Variants in KIF26A observed in about 807,000 individuals in gnomAD.
The protein encoded by KIF26A is kinesin family member 26A.
Under a neutral mutation model 126.0 loss-of-function variants are expected in KIF26A, and 74 were observed. The ratio of observed to expected loss-of-function variants is 0.59; its 90% CI spans 0.49 to 0.71. The LOEUF (loss-of-function observed/expected upper bound fraction) is 0.71, where lower values mean the gene tolerates loss of function less well. Ranked by LOEUF, KIF26A falls within the 30% of genes least tolerant of loss-of-function variation. The probability of loss-of-function intolerance (pLI) is 0.00; values close to 1 mark genes in which losing one functional copy is unlikely to be tolerated. For missense variants in KIF26A, 2,984 were observed against 2,763.3 expected (o/e 1.08, Z -1.79); for synonymous variants, 1,445 against 1,232.7 (o/e 1.17, Z -3.61).
In KIF26A at chr14:104,159,624, C is replaced by T. The variant is rs1276202521; in HGVS notation, c.923+1682C>T. Among the ~76,000 whole-genome samples, 8 of 152,214 alleles carry T rather than the reference C, an allele frequency of 5.3e-5. No homozygotes were observed. The East Asian group carries it at 5.8e-4, about 11-fold the overall frequency. On this transcript the variant is annotated intron_variant, in intron 4 of 14. Coordinates refer to ENST00000423312, the MANE Select transcript of KIF26A (RefSeq NM_015656.2). ...CTTGGGAAGTTACCATAGAAACCAG[C>T]GCATCGGGCTGGGGACCCAGAGGCG... is the stretch of plus-strand genomic sequence containing the variant.
chr14:104,168,578 G>C (rs1224715859), intron 5 of KIF26A, among the ~76,000 whole-genome samples: 3 of 152,176 alleles, frequency 2.0e-5, no homozygotes, highest in Non-Finnish European at 4.4e-5. Context: ...GGTGTCCAGA[G>C]GGGAGTGTGT....
intron 2 of KIF26A, among the ~76,000 whole-genome samples, chr14:104,144,038 C>T (rs1360230188): frequency 1.3e-5 from 2 of 152,178 alleles, no homozygotes; most frequent in Non-Finnish European, 2.9e-5. Flanking sequence ...CCTGGGTGGG[C>T]CCAGCCTCGC....
At chr14:104,146,068 T>C (rs1183266228) in intron 2 of KIF26A, among the ~76,000 whole-genome samples, 1 of 152,184 alleles carries the variant, frequency 6.6e-6, no homozygotes, top group African/African-American at 2.4e-5. Context: ...CACCCAGGTC[T>C]GAGTTGGAAC....
rs111288681 is a variant in KIF26A at position 104,163,365 on chromosome 14, C to T, written c.924-3494C>T. Among the ~76,000 whole-genome samples, 453 of 152,330 alleles carry T rather than the reference C, an allele frequency of 3.0e-3. 4 individuals are homozygous for T. The highest frequency in any genetic ancestry group is 0.01 in the African/African-American group (432 of 41,580). ...CCGGGCTTCTTGCCCTGTGGACAGA[C>T]GCACAGACACACAGACAGCGTGGGC... On this transcript the variant is annotated intron_variant, in intron 4 of 14. Coordinates refer to ENST00000423312, the MANE Select transcript of KIF26A (RefSeq NM_015656.2).
At chr14:104,172,104 A>G (rs947001) in intron 6 of KIF26A, among the ~76,000 whole-genome samples, 169 bp downstream of exon 6, 118,149 of 152,262 alleles carry the variant, frequency 0.78, 46,687 homozygotes, top group African/African-American at 0.94. Flanking sequence ...CGTCCTGGCC[A>G]GCGTCCTTGG....
At chr14:104,171,057 G>C (rs75078372) in intron 5 of KIF26A, among the ~76,000 whole-genome samples, 205 of 152,376 alleles carry the variant, frequency 1.3e-3, no homozygotes, top group African/African-American at 4.7e-3. Context: ...AGTGGGGCCG[G>C]TGAGGCCGAG....
chr14:104,172,053 G>C (rs2037963466), intron 6 of KIF26A, 118 bp downstream of exon 6: 9 of 995,172 alleles, frequency 9.0e-6, no homozygotes, highest in South Asian at 5.0e-5. Context: ...CGTGAGCGAG[G>C]GGCCCGCTGC....
intron 10 of KIF26A, 67 bp from the exon 11 acceptor site, chr14:104,174,081 C>A: frequency 6.9e-7 from 1 of 1,459,572 alleles, no homozygotes; most frequent in South Asian, 1.4e-5. Flanking sequence ...CCAGGGCTGC[C>A]CTTGGCCAGC....
At position 104,178,041 on chromosome 14, in the gene KIF26A, G is replaced by A. The variant is rs931217231; in HGVS notation, c.5110+143G>A. 10 of 983,780 alleles carry A rather than the reference G, an allele frequency of 1.0e-5. No homozygotes were observed. In the African/African-American group the frequency reaches 1.5e-4, roughly 15 times the overall value. The allele number at this position is 983,780 out of a possible 1,614,324, so 60.9% of individuals were successfully genotyped here. A position where few individuals can be genotyped will look rare whatever the true frequency, so the allele number is the denominator to read the frequency against. On this transcript the variant is annotated intron_variant, in intron 12 of 14. Coordinates refer to ENST00000423312, the MANE Select transcript of KIF26A (RefSeq NM_015656.2). Reference sequence around the variant, plus strand: ...GTCCCAGACCCACACAGCCGTGGACGGTTTACAGACTCGCCTGGGGCTTTT... The same window carrying A: ...GTCCCAGACCCACACAGCCGTGGACAGTTTACAGACTCGCCTGGGGCTTTT...
At chr14:104,157,005 G>A (rs575373964) in intron 3 of KIF26A, among the ~76,000 whole-genome samples, 20 of 152,130 alleles carry the variant, frequency 1.3e-4, no homozygotes, top group African/African-American at 4.3e-4. Context: ...CGGGGCGAGG[G>A]GTGGCCAGGC....
rs1192188191 is a variant in KIF26A at position 104,172,079 on chromosome 14, G to C, written c.1326+144G>C. On this transcript the variant is annotated intron_variant, in intron 6 of 14. Transcript: ENST00000423312. ...GGCCCGCTGCCTGCGGCGCCTGCCTGCTTACCTCCCTCATCGTCCTGGCCA... is the reference window on the plus strand; with the variant it reads ...GGCCCGCTGCCTGCGGCGCCTGCCTCCTTACCTCCCTCATCGTCCTGGCCA... 3 of 790,488 alleles carry C rather than the reference G, an allele frequency of 3.8e-6. No individual in the cohort carries two copies. The Admixed American group carries it at 8.4e-5, about 22-fold the overall frequency. 49.0% of individuals were successfully genotyped at this position (790,488 alleles called of 1,614,324 possible).
In KIF26A at chr14:104,175,893, G is replaced by A. The variant is rs1203003947; in HGVS notation, c.3105G>A (p.Thr1035=). The A allele has an allele frequency of 1.1e-5, 17 of 1,542,580 alleles. No homozygotes were observed. Among genetic ancestry groups the A allele is most frequent in the Non-Finnish European group, 1.3e-5 (15 of 1,149,126 alleles). Residue 1035 remains threonine, a synonymous_variant, in exon 12 of 15, where the codon ACG becomes ACA. Transcript: ENST00000423312. ...ELNGEDELVF[T]VVEELSLGAL... is the part of the protein sequence containing the mutation. Reference sequence around the variant, plus strand: ...ACGGCGAGGACGAGCTGGTGTTCACGGTGGTGGAGGAGCTGTCCCTGGGGG... The same window carrying A: ...ACGGCGAGGACGAGCTGGTGTTCACAGTGGTGGAGGAGCTGTCCCTGGGGG...
chr14:104,152,455 G>A lies in KIF26A; in HGVS notation c.729G>A (p.Ala243=), dbSNP rs1474918350. 14 of 1,569,590 alleles carry A rather than the reference G, an allele frequency of 8.9e-6. No individual in the cohort carries two copies. Among genetic ancestry groups the A allele is most frequent in the East Asian group, 2.4e-5 (1 of 42,458 alleles). Residue 243 remains alanine (A), a synonymous_variant, in exon 3 of 15, where the codon GCG becomes GCA. Coordinates refer to ENST00000423312, the MANE Select transcript of KIF26A (RefSeq NM_015656.2). This position sits in a 1 kb window ranked among gnomAD's most constrained non-coding sequence, Gnocchi z 5.9. ...VSRVNSFLPP[A]CLAEAAVAAV... The stretch of plus-strand genomic sequence containing the variant: ...GGGTCAACAGCTTCCTCCCGCCGGC[G>A]TGCCTGGTGAGTGTCTTGCTCAGCG...
chr14:104,144,284 C>T (rs1471157132), intron 2 of KIF26A, among the ~76,000 whole-genome samples: 3 of 152,198 alleles, frequency 2.0e-5, no homozygotes, highest in African/African-American at 4.8e-5. Context: ...GGAGCCCTAG[C>T]GGCTTCCGGG....
intron 3 of KIF26A, among the ~76,000 whole-genome samples, chr14:104,155,285 TAAG>T (rs1393239313): frequency 6.6e-6 from 1 of 152,194 alleles, no homozygotes; most frequent in Admixed American, 6.5e-5. Context: ...GGAGGGCTCC[TAAG>T]AAGAGAGTTA....
intron 4 of KIF26A, among the ~76,000 whole-genome samples, chr14:104,159,636 G>C (rs1162670020): frequency 6.6e-6 from 1 of 152,232 alleles, no homozygotes; most frequent in Non-Finnish European, 1.5e-5. Flanking sequence ...CATCGGGCTG[G>C]GGACCCAGAG....
chr14:104,177,415 A>G lies in KIF26A; in HGVS notation c.4627A>G (p.Ser1543Gly). Residue 1543 changes from serine to glycine, a missense_variant, in exon 12 of 15, where the codon AGT (serine) becomes GGT (glycine). Coordinates refer to ENST00000423312, the MANE Select transcript of KIF26A (RefSeq NM_015656.2). ...GPRAAPRAGP[S>G]VGAKAGRGTV... ...CAGAGCAGCCCCACGGGCCGGGCCC[A>G]GTGTCGGGGCGAAGGCTGGCCGGGG... 6.6e-7 allele frequency: 1 copy of G among 1,504,916 alleles called. No individual in the cohort carries two copies. The highest frequency in any genetic ancestry group is 8.8e-7 in the Non-Finnish European group (1 of 1,130,878). The allele number at this position is 1,504,916 out of a possible 1,614,324, so 93.2% of individuals were successfully genotyped here.
rs568896250 is a variant in KIF26A at position 104,151,862 on chromosome 14, G to A, written c.289-153G>A. ...TTATTTTCCTGCTGGGCTTGTGTGG[G>A]TGAAAGTGTTTGGGCTTATTAATCT... is the stretch of plus-strand genomic sequence containing the variant. On this transcript the variant is annotated intron_variant, in intron 2 of 14. Transcript: ENST00000423312. This position sits in a 1 kb window ranked among gnomAD's most constrained non-coding sequence, Gnocchi z 4.9. Among the ~76,000 whole-genome samples, 55 of 152,342 alleles carry A rather than the reference G, an allele frequency of 3.6e-4. No individual in the cohort carries two copies. The highest frequency in any genetic ancestry group is 9.4e-4 in the African/African-American group (39 of 41,576).
Position 104,152,559 on chromosome 14 carries a change from G to C in KIF26A, c.735+98G>C. On this transcript the variant is annotated intron_variant, in intron 3 of 14. Transcript: ENST00000423312. The surrounding 1 kb of genome is among the most constrained non-coding windows in gnomAD (Gnocchi z 5.9). ...TCCACGTTGAGTGCCCTGCAGTAAG[G>C]CTTCCCTGAAGGGAGGGGACGGCGG... 4 of 1,233,026 alleles carry C rather than the reference G, an allele frequency of 3.2e-6. 1 individual carries two copies. Among genetic ancestry groups the C allele is most frequent in the Non-Finnish European group, 4.4e-6 (4 of 911,178 alleles). The allele number at this position is 1,233,026 out of a possible 1,614,324, so 76.4% of individuals were successfully genotyped here.
Sources: allele counts gnomAD v4.1 joint callset (sites outside exome capture counted in the v4.1 genomes callset), GRCh38; gene constraint gnomAD v4.1.1; non-coding constraint Gnocchi (gnomAD v3.1); transcripts MANE v1.5; gene names NCBI Gene and HGNC (gene_info 2026-07-23, HGNC 2026-07-21).